The following PGS1 variants were observed in gnomAD, a reference collection of about 807,000 sequenced individuals.
The protein encoded by PGS1 is CDP-diacylglycerol--glycerol-3-phosphate 3-phosphatidyltransferase, mitochondrial.
PGS1 carries 44 observed loss-of-function variants against 58.3 expected under a neutral mutation model. The ratio of observed to expected loss-of-function variants is 0.75; its 90% CI spans 0.59 to 0.97. The LOEUF (loss-of-function observed/expected upper bound fraction) is 0.97, where lower values mean the gene tolerates loss of function less well. Ranked by LOEUF, PGS1 falls within the 50% of genes least tolerant of loss-of-function variation. PGS1 has a pLI of 0.00. For synonymous variants in PGS1, 330 were observed against 311.0 expected (o/e 1.06, Z -0.64); for missense variants, 684 against 731.1 (o/e 0.94, Z 0.74).
At chr17:78,413,379 C>T (rs1314591915) in intron 7 of PGS1, among the ~76,000 whole-genome samples, 1 of 152,174 alleles carries the variant, frequency 6.6e-6, no homozygotes, top group Non-Finnish European at 1.5e-5. Context: ...GAGAACTTGA[C>T]ACCCCATGGG....
chr17:78,409,695 C>T (rs1293827179), intron 7 of PGS1, among the ~76,000 whole-genome samples: 1 of 152,178 alleles, frequency 6.6e-6, no homozygotes, highest in Non-Finnish European at 1.5e-5. Context: ...TCTTCTGTCC[C>T]CTCCGTGTTT....
intron 9 of PGS1, among the ~76,000 whole-genome samples, chr17:78,422,634 A>C (rs1240629661): frequency 2.0e-5 from 3 of 152,024 alleles, no homozygotes; most frequent in Non-Finnish European, 4.4e-5. Context: ...AGTAGCTGGG[A>C]CCACAGGCAC....
intron 7 of PGS1, among the ~76,000 whole-genome samples, chr17:78,406,968 G>A (rs911377448): frequency 2.6e-5 from 4 of 152,206 alleles, no homozygotes; most frequent in East Asian, 3.9e-4. Flanking sequence ...CCCAGTTACC[G>A]CTGAAACAGA....
chr17:78,419,879 T>C (rs1027516217), intron 9 of PGS1: 1 of 1,312,410 alleles, frequency 7.6e-7, no homozygotes, highest in African/African-American at 1.5e-5. Context: ...TCACTTTCCA[T>C]CTGGTACCCA....
rs776470866 is a variant in PGS1 at position 78,399,434 on chromosome 17, C to A, written c.598C>A (p.Leu200Ile). The change falls in exon 5 of 10, where the codon CTC becomes ATC. Residue 200 changes from leucine (L) to isoleucine (I), a missense_variant. By Grantham distance (5) the Leu-to-Ile change is conservative. Coordinates refer to ENST00000262764, the MANE Select transcript of PGS1 (RefSeq NM_024419.5). ...VRVSLFHTPH[L>I]RGLLRLLIPE... Reference sequence around the variant, plus strand: ...AGTCTCCCTCTTTCACACGCCGCACCTCCGTGGGCTGCTTCGGCTCCTCAT... The same window carrying A: ...AGTCTCCCTCTTTCACACGCCGCACATCCGTGGGCTGCTTCGGCTCCTCAT... The A allele has an allele frequency of 6.2e-7, 1 of 1,614,138 alleles. No individual in the cohort carries two copies. The highest frequency in any genetic ancestry group is 8.5e-7 in the Non-Finnish European group (1 of 1,180,000).
intron 1 of PGS1, among the ~76,000 whole-genome samples, chr17:78,384,205 G>T (rs755451551): frequency 6.6e-6 from 1 of 152,186 alleles, no homozygotes; most frequent in Non-Finnish European, 1.5e-5. Context: ...GGCAGCCTGG[G>T]CCTCTCGTGC....
intron 7 of PGS1, among the ~76,000 whole-genome samples, chr17:78,414,667 C>T (rs1444637937): frequency 6.6e-6 from 1 of 152,138 alleles, no homozygotes; most frequent in Admixed American, 6.5e-5. Context: ...TGAGCTGAGG[C>T]TGCGCCCTGA....
At position 78,423,315 on chromosome 17, in the gene PGS1, G is replaced by C. The variant is rs376641520; in HGVS notation, c.*11-746G>C. On this transcript the variant is annotated intron_variant, in intron 9 of 9. Transcript: ENST00000262764. ...CTACAGGTCCGGGGCTTGCTTGTGGGAACGGCTTGTTCTTCTAGACTCTGG... is the reference window on the plus strand; with the variant it reads ...CTACAGGTCCGGGGCTTGCTTGTGGCAACGGCTTGTTCTTCTAGACTCTGG... Among the ~76,000 whole-genome samples, 4 of 152,288 alleles carry C rather than the reference G, an allele frequency of 2.6e-5. No homozygotes were observed. In the East Asian group the frequency reaches 7.7e-4, roughly 29 times the overall value.
intron 6 of PGS1, among the ~76,000 whole-genome samples, chr17:78,402,523 C>G (rs1221736934): frequency 6.6e-6 from 1 of 152,176 alleles, no homozygotes; most frequent in Non-Finnish European, 1.5e-5. Context: ...TCTCAGCTCA[C>G]TGCAACCTCT....
chr17:78,394,997 C>T (rs1023209445), intron 2 of PGS1, among the ~76,000 whole-genome samples: 1 of 152,216 alleles, frequency 6.6e-6, no homozygotes. Flanking sequence ...CAGGAAGGGG[C>T]AGAGAGGCTT....
At chr17:78,379,081 C>A (rs1407851991) in intron 1 of PGS1, among the ~76,000 whole-genome samples, 1 of 152,210 alleles carries the variant, frequency 6.6e-6, no homozygotes, top group Admixed American at 6.5e-5. Context: ...CCGTCTACAC[C>A]GTGCTTGTTG....
rs952569092 is a variant in PGS1, at chr17:78,400,949, A to G, written c.880+94A>G. The stretch of plus-strand genomic sequence containing the variant: ...CTCTAGGTGGTTCTGCCACAGGCAT[A>G]GGGGACTTGGGTGGCAAGGCTTCAT... On this transcript the variant is annotated intron_variant, in intron 6 of 9. Transcript: ENST00000262764. This position sits in a 1 kb window ranked among gnomAD's most constrained non-coding sequence, Gnocchi z 4.4. 2.3e-5 allele frequency: 26 copies of G among 1,110,098 alleles called. No individual in the cohort carries two copies. The highest frequency in any genetic ancestry group is 2.5e-4 in the Middle Eastern group (1 of 4,064). The allele number at this position is 1,110,098 out of a possible 1,614,324, so 68.8% of individuals were successfully genotyped here. A position where few individuals can be genotyped will look rare whatever the true frequency, so the allele number is the denominator to read the frequency against.
chr17:78,416,636 T>C (rs1161834818), intron 8 of PGS1, among the ~76,000 whole-genome samples: 1 of 152,230 alleles, frequency 6.6e-6, no homozygotes, highest in African/African-American at 2.4e-5. Flanking sequence ...ATATTTGGGA[T>C]ATTTTCTTTT....
chr17:78,391,242 G>T (rs112645827), intron 1 of PGS1, among the ~76,000 whole-genome samples: 1 of 151,208 alleles, frequency 6.6e-6, no homozygotes. Flanking sequence ...GCCACCGTGC[G>T]CGGCCACGGC....
intron 7 of PGS1, among the ~76,000 whole-genome samples, chr17:78,405,776 G>A (rs1163251408): frequency 6.6e-6 from 1 of 152,168 alleles, no homozygotes; most frequent in African/African-American, 2.4e-5. Flanking sequence ...ACATCCCACG[G>A]CTTTTCTGGC....
At chr17:78,423,214 T>TCGTGCC (rs1031711990) in intron 9 of PGS1, among the ~76,000 whole-genome samples, 3 of 151,910 alleles carry the variant, frequency 2.0e-5, no homozygotes, top group Non-Finnish European at 2.9e-5. Flanking sequence ...TTCTCTCCCC[T>TCGTGCC]CGTGCCTGCA....
chr17:78,420,468 C>A (rs901902174), intron 9 of PGS1: 2 of 153,132 alleles, frequency 1.3e-5, no homozygotes, highest in African/African-American at 4.8e-5. Context: ...CCCGAGGCCC[C>A]TGCTCTCTGG....
intron 1 of PGS1, among the ~76,000 whole-genome samples, chr17:78,387,875 G>C (rs2082526921): frequency 6.6e-6 from 1 of 152,206 alleles, no homozygotes; most frequent in Admixed American, 6.5e-5. Context: ...TGGGATTATA[G>C]GCACATGCTA....
At position 78,408,372 on chromosome 17, in the gene PGS1, C is replaced by T. The variant is rs187147754; in HGVS notation, c.1402+4283C>T. 6.6e-4 allele frequency among the ~76,000 whole-genome samples: 100 copies of T among 152,258 alleles called. 2 individuals are homozygous for T. Among genetic ancestry groups the T allele is most frequent in the African/African-American group, 2.3e-3 (96 of 41,534 alleles). ...TTCTGAGTCCACATTTACCTGTGGC[C>T]ACAGCTGAGGGGCCTGGCTTAACCT... On this transcript the variant is annotated intron_variant, in intron 7 of 9. Transcript: ENST00000262764.
Sources: allele counts gnomAD v4.1 joint callset (sites outside exome capture counted in the v4.1 genomes callset), GRCh38; gene constraint gnomAD v4.1.1; non-coding constraint Gnocchi (gnomAD v3.1); transcripts MANE v1.5; gene names NCBI Gene and HGNC (gene_info 2026-07-23, HGNC 2026-07-21).